The following CMTM4 variants were observed in gnomAD, a reference collection of about 807,000 sequenced individuals.
The protein encoded by CMTM4 is CKLF like MARVEL transmembrane domain containing 4, also known as CKLF-like MARVEL transmembrane domain-containing protein 4.
In CMTM4, 8 loss-of-function variants were observed where a neutral mutation model predicts 19.0. The observed-to-expected ratio is 0.42, with a 90% CI of 0.25 to 0.76. CMTM4 has a LOEUF of 0.76. CMTM4 is among the 30% of genes least tolerant of loss of function. The probability of loss-of-function intolerance (pLI) is 0.27; values close to 1 mark genes in which losing one functional copy is unlikely to be tolerated. For synonymous variants in CMTM4, 106 were observed against 121.1 expected (o/e 0.88, Z 0.82); for missense variants, 228 against 290.2 (o/e 0.79, Z 1.56).
intron 1 of CMTM4, among the ~76,000 whole-genome samples, chr16:66,652,259 G>A (rs527880277): frequency 6.6e-5 from 10 of 152,298 alleles, no homozygotes; most frequent in South Asian, 2.1e-4. Context: ...TGCAGCAGAC[G>A]GCAGCAAGGT....
At chr16:66,633,132 AATAT>A (rs1295679752) in intron 2 of CMTM4, among the ~76,000 whole-genome samples, 1 of 129,848 alleles carries the variant, frequency 7.7e-6, no homozygotes, top group African/African-American at 2.9e-5. Flanking sequence ...TATATATATA[AATAT>A]ATATATATAT....
At chr16:66,650,251 A>C (rs1280198382) in intron 1 of CMTM4, among the ~76,000 whole-genome samples, 1 of 152,150 alleles carries the variant, frequency 6.6e-6, no homozygotes. Context: ...CTAGTTCCTC[A>C]CCAAAGTGCC....
intron 1 of CMTM4, among the ~76,000 whole-genome samples, chr16:66,653,182 C>T (rs1448597845): frequency 6.6e-6 from 1 of 152,184 alleles, no homozygotes; most frequent in Non-Finnish European, 1.5e-5. Flanking sequence ...CCCAACCTAA[C>T]AACTCTGGCC....
chr16:66,638,846 T>C (rs1034910812), intron 1 of CMTM4, among the ~76,000 whole-genome samples: 5 of 150,690 alleles, frequency 3.3e-5, no homozygotes, highest in African/African-American at 1.2e-4. Flanking sequence ...GGCGACAGAG[T>C]GAGACTCCAT....
At chr16:66,652,966 A>C (rs1788597939) in intron 1 of CMTM4, among the ~76,000 whole-genome samples, 1 of 152,156 alleles carries the variant, frequency 6.6e-6, no homozygotes, top group Non-Finnish European at 1.5e-5. Context: ...TAGAGGACAG[A>C]GGAAACAAGC....
chr16:66,694,700 T>A (rs1176851302), intron 1 of CMTM4, among the ~76,000 whole-genome samples: 10 of 120,448 alleles, frequency 8.3e-5, no homozygotes, highest in Non-Finnish European at 1.4e-4. Flanking sequence ...GCGACAGAGC[T>A]AGACTCCATC....
chr16:66,605,173 T>G, the CMTM4 span: 1 of 419,800 alleles, frequency 2.4e-6, no homozygotes, highest in East Asian at 4.1e-5. The surrounding 1 kb of genome is among the most constrained non-coding windows in gnomAD (Gnocchi z 4.6). Context: ...TCCGCGGCGC[T>G]GTCCCCGCGA....
chr16:66,637,294 C>T (rs1015612070), intron 1 of CMTM4, among the ~76,000 whole-genome samples: 6 of 152,142 alleles, frequency 3.9e-5, no homozygotes, highest in African/African-American at 1.4e-4. Context: ...CCTGTAATCC[C>T]AGTACTTTGG....
At chr16:66,661,696 A>C (rs1000182966) in intron 1 of CMTM4, among the ~76,000 whole-genome samples, 1 of 152,238 alleles carries the variant, frequency 6.6e-6, no homozygotes, top group African/African-American at 2.4e-5. Flanking sequence ...TTGGGAGGCC[A>C]AGGTGGGTGG....
In CMTM4 at chr16:66,674,995, G is replaced by A. The variant is rs569005655; in HGVS notation, c.186+21345C>T. 4.0e-5 allele frequency among the ~76,000 whole-genome samples: 6 copies of A among 150,982 alleles called. No individual in the cohort carries two copies. The South Asian group carries it at 8.4e-4, about 21-fold the overall frequency. On this transcript the variant is annotated intron_variant, in intron 1 of 3. Coordinates refer to ENST00000394106, the MANE Select transcript of CMTM4 (RefSeq NM_181521.3). ...TGACCTCAGGTGATCCACCCGCCTC[G>A]GCCTCCCAAAGTGCTGGGATTACAG... is the stretch of plus-strand genomic sequence containing the variant.
the CMTM4 span, among the ~76,000 whole-genome samples, chr16:66,599,203 T>A: frequency 6.6e-5 from 10 of 151,822 alleles, no homozygotes; most frequent in Non-Finnish European, 1.5e-4. Flanking sequence ...GGCATGAGAA[T>A]CACTTGAACA....
chr16:66,630,130 G>A (rs1392395414), intron 2 of CMTM4, among the ~76,000 whole-genome samples: 2 of 152,038 alleles, frequency 1.3e-5, no homozygotes, highest in African/African-American at 4.8e-5. Context: ...CATCTTGTGG[G>A]ACTGGGCCCT....
At chr16:66,614,507 ACAC>A (rs2015489292), downstream of CMTM4, among the ~76,000 whole-genome samples, 1 of 152,230 alleles carries the variant, frequency 6.6e-6, no homozygotes, top group African/African-American at 2.4e-5. The surrounding 1 kb of genome is among the most constrained non-coding windows in gnomAD (Gnocchi z 4.9). Context: ...AAACTGTCAC[ACAC>A]CACATGTGCT....
Position 66,696,250 on chromosome 16 carries a change from G to T in CMTM4, c.186+90C>A. The T allele has an allele frequency of 1.0e-6, 1 of 960,866 alleles. No individual in the cohort carries two copies. Among genetic ancestry groups the T allele is most frequent in the Middle Eastern group, 3.8e-4 (1 of 2,620 alleles). The allele number at this position is 960,866 out of a possible 1,614,324, so 59.5% of individuals were successfully genotyped here. ...GGAGCGGGCTCCGGCCTGGGCAAGC[G>T]GGTACGCGGCGGAGGCCCCGCAGCG... On this transcript the variant is annotated intron_variant, in intron 1 of 3. Coordinates refer to ENST00000394106, the MANE Select transcript of CMTM4 (RefSeq NM_181521.3). The surrounding 1 kb of genome is among the most constrained non-coding windows in gnomAD (Gnocchi z 4.3).
chr16:66,653,668 C>CTTCT (rs1406657722), intron 1 of CMTM4, among the ~76,000 whole-genome samples: 2 of 152,200 alleles, frequency 1.3e-5, no homozygotes, highest in South Asian at 2.1e-4. Flanking sequence ...ATGCTGGGCA[C>CTTCT]TTCTATAAGC....
intron 1 of CMTM4, among the ~76,000 whole-genome samples, chr16:66,693,364 C>A (rs1377918329): frequency 6.6e-6 from 1 of 152,116 alleles, no homozygotes; most frequent in Non-Finnish European, 1.5e-5. Flanking sequence ...CTCAAGCAGT[C>A]CCCCCACCTC....
chr16:66,647,413 C>T (rs1420748340), intron 1 of CMTM4, among the ~76,000 whole-genome samples: 1 of 151,734 alleles, frequency 6.6e-6, no homozygotes, highest in Admixed American at 6.6e-5. Flanking sequence ...TCTTTTTAGT[C>T]CAGATTTAAT....
chr16:66,604,777 C>T, the CMTM4 span: 1 of 1,232,746 alleles, frequency 8.1e-7, no homozygotes, highest in Non-Finnish European at 1.0e-6. Context: ...GGAGCCAGGC[C>T]GAGCCCCGGC....
intron 1 of CMTM4, among the ~76,000 whole-genome samples, chr16:66,645,980 AAAAC>A (rs368319184): frequency 6.5e-4 from 99 of 152,258 alleles, no homozygotes; most frequent in African/African-American, 1.4e-3. Context: ...CTCTGTCTCA[AAAAC>A]AAACAAACAA....
Sources: allele counts gnomAD v4.1 joint callset (sites outside exome capture counted in the v4.1 genomes callset), GRCh38; gene constraint gnomAD v4.1.1; non-coding constraint Gnocchi (gnomAD v3.1); transcripts MANE v1.5; gene names NCBI Gene and HGNC (gene_info 2026-07-23, HGNC 2026-07-21).